The following ADARB2 variants were observed in gnomAD, a reference collection of about 807,000 sequenced individuals.
ADARB2 encodes inactive double-stranded RNA-specific editase B2.
In ADARB2, 25 loss-of-function variants were observed where a neutral mutation model predicts 62.2. The observed-to-expected ratio is 0.40, with a 90% CI of 0.29 to 0.56. The LOEUF is 0.56. ADARB2 is among the 20% of genes least tolerant of loss of function. The probability of loss-of-function intolerance (pLI) is 0.43; values close to 1 mark genes in which losing one functional copy is unlikely to be tolerated. For synonymous variants in ADARB2, 572 were observed against 500.8 expected (o/e 1.14, Z -1.90); for missense variants, 1,071 against 1,077.4 (o/e 0.99, Z 0.08).
chr10:1,576,077 AGGAGGGGGCTCAGGGCCACG>A (rs1833013082), intron 1 of ADARB2, among the ~76,000 whole-genome samples: 1 of 21,554 alleles, frequency 4.6e-5, no homozygotes, highest in African/African-American at 2.3e-4. Context: ...CCAGGGTCAC[AGGAGGGGGCTCAGGGCCACG>A]GGAGGGGGCT....
chr10:1,210,180 T>C (rs541733837), intron 7 of ADARB2, among the ~76,000 whole-genome samples: 1 of 152,350 alleles, frequency 6.6e-6, no homozygotes, highest in South Asian at 2.1e-4. Flanking sequence ...TTCATTGATA[T>C]CAAAGGGAAA....
intron 3 of ADARB2, among the ~76,000 whole-genome samples, chr10:1,271,496 C>T (rs573977434): frequency 7.2e-4 from 109 of 152,348 alleles, no homozygotes; most frequent in Non-Finnish European, 1.2e-3. Context: ...GGGTGCTCTT[C>T]TGGCAAAATG....
chr10:1,617,151 A>G lies in ADARB2; in HGVS notation c.100+119900T>C, dbSNP rs547657390. On this transcript the variant is annotated intron_variant, in intron 1 of 9. Coordinates refer to ENST00000381312, the MANE Select transcript of ADARB2 (RefSeq NM_018702.4). ...TCTGCACTGCCCTGCTGAGCTCTGC[A>G]TCCTGGGAACTGGCCTCAGAGGGCT... is the stretch of plus-strand genomic sequence containing the variant. 1.3e-3 allele frequency among the ~76,000 whole-genome samples: 176 copies of G among 139,030 alleles called. 1 individual carries two copies. Among genetic ancestry groups the G allele is most frequent in the African/African-American group, 4.7e-3 (172 of 36,872 alleles). The allele number at this position is 139,030 out of a possible 152,430, so 91.2% of individuals were successfully genotyped here.
At chr10:1,328,992 G>A in intron 3 of ADARB2, among the ~76,000 whole-genome samples, 1 of 78,956 alleles carries the variant, frequency 1.3e-5, no homozygotes, top group African/African-American at 5.7e-5. Flanking sequence ...ACAAGACCCT[G>A]TCTTAAAAAA....
At chr10:1,327,413 T>G (rs865854374) in intron 3 of ADARB2, among the ~76,000 whole-genome samples, 4 of 53,986 alleles carry the variant, frequency 7.4e-5, no homozygotes, top group African/African-American at 2.2e-4. Context: ...GCCTCCCCAC[T>G]GCCCAGCGCC....
chr10:1,298,223 G>A (rs1021370207), intron 3 of ADARB2, among the ~76,000 whole-genome samples: 1 of 152,086 alleles, frequency 6.6e-6, no homozygotes, highest in African/African-American at 2.4e-5. Context: ...AGATGCTATT[G>A]AAAAAAATAA....
At chr10:1,209,810 A>G (rs1837125214) in intron 7 of ADARB2, among the ~76,000 whole-genome samples, 2 of 152,208 alleles carry the variant, frequency 1.3e-5, no homozygotes, top group African/African-American at 4.8e-5. Flanking sequence ...GACTGTGGCC[A>G]CAGGAGGCCA....
intron 6 of ADARB2, among the ~76,000 whole-genome samples, chr10:1,223,555 G>A (rs1387631740): frequency 1.3e-5 from 2 of 152,098 alleles, no homozygotes; most frequent in Non-Finnish European, 2.9e-5. Flanking sequence ...TATTGGCTGT[G>A]GGTTTGTCAT....
chr10:1,706,936 A>G (rs1564200508), intron 1 of ADARB2, among the ~76,000 whole-genome samples: 3 of 152,160 alleles, frequency 2.0e-5, no homozygotes, highest in African/African-American at 7.2e-5. Context: ...TTGGGCAGGA[A>G]GTGGGATTTT....
At chr10:1,544,249 G>T (rs1832485057) in intron 1 of ADARB2, among the ~76,000 whole-genome samples, 1 of 152,222 alleles carries the variant, frequency 6.6e-6, no homozygotes. Flanking sequence ...CACCAGGGCT[G>T]CTGAGTTTCC....
chr10:1,561,539 G>C (rs1364744070), intron 1 of ADARB2, among the ~76,000 whole-genome samples: 4 of 152,156 alleles, frequency 2.6e-5, no homozygotes, highest in Non-Finnish European at 1.5e-5. Flanking sequence ...CCCCTTCTCT[G>C]TTCACCCAGG....
chr10:1,193,899 T>C (rs1407811221), intron 8 of ADARB2, among the ~76,000 whole-genome samples: 1 of 152,244 alleles, frequency 6.6e-6, no homozygotes, highest in Non-Finnish European at 1.5e-5. Flanking sequence ...ATTTAACCAC[T>C]GAGATGAGAA....
intron 8 of ADARB2, among the ~76,000 whole-genome samples, chr10:1,190,566 G>A (rs1402990783): frequency 6.6e-6 from 1 of 152,194 alleles, no homozygotes; most frequent in Non-Finnish European, 1.5e-5. Context: ...AAGTCTGAAG[G>A]TGTGGGCAGG....
In ADARB2 at chr10:1,723,176, T is replaced by C. The variant is rs187687517; in HGVS notation, c.100+13875A>G. On this transcript the variant is annotated intron_variant, in intron 1 of 9. Coordinates refer to ENST00000381312, the MANE Select transcript of ADARB2 (RefSeq NM_018702.4). ...CCTATGATGTAGCTTTTACGGCCAC[T>C]GCTAACACACTGTTTCTGAGACTTC... Among the ~76,000 whole-genome samples, 748 of 152,338 alleles carry C rather than the reference T, an allele frequency of 4.9e-3. 4 individuals are homozygous for C. Among genetic ancestry groups the C allele is most frequent in the South Asian group, 0.019 (92 of 4,826 alleles).
chr10:1,447,357 G>A (rs1442665012), intron 1 of ADARB2, among the ~76,000 whole-genome samples: 1 of 152,144 alleles, frequency 6.6e-6, no homozygotes, highest in Non-Finnish European at 1.5e-5. Context: ...AAAAGATATT[G>A]TAAGGATCAA....
intron 1 of ADARB2, among the ~76,000 whole-genome samples, chr10:1,583,608 T>A (rs1833135242): frequency 6.6e-6 from 1 of 152,174 alleles, no homozygotes. Context: ...TGAGAGAAAT[T>A]CCATGTTCAT....
intron 1 of ADARB2, among the ~76,000 whole-genome samples, chr10:1,524,864 A>G (rs1832120897): frequency 6.6e-6 from 1 of 152,192 alleles, no homozygotes; most frequent in South Asian, 2.1e-4. Context: ...GCCTAGAACT[A>G]GCAGTCTGGC....
In ADARB2 at chr10:1,255,137, T is replaced by C. The variant is rs1423692897; in HGVS notation, c.1193-12838A>G. Among the ~76,000 whole-genome samples, 3 of 152,240 alleles carry C rather than the reference T, an allele frequency of 2.0e-5. No individual in the cohort carries two copies. Among genetic ancestry groups the C allele is most frequent in the African/African-American group, 7.2e-5 (3 of 41,462 alleles). ...CCAGTGAGGGAGCAAGCGGGGCCAA[T>C]GCTCTGAGCTCCTCATGGGGCCAAA... On this transcript the variant is annotated intron_variant, in intron 4 of 9. Coordinates refer to ENST00000381312, the MANE Select transcript of ADARB2 (RefSeq NM_018702.4). The surrounding 1 kb of genome is among the most constrained non-coding windows in gnomAD (Gnocchi z 4.7).
At chr10:1,708,244 A>G (rs998321385) in intron 1 of ADARB2, among the ~76,000 whole-genome samples, 5 of 152,006 alleles carry the variant, frequency 3.3e-5, no homozygotes, top group East Asian at 1.9e-4. Flanking sequence ...GGAGTTTTCT[A>G]TGTTGCAGGA....
Sources: allele counts gnomAD v4.1 joint callset (sites outside exome capture counted in the v4.1 genomes callset), GRCh38; gene constraint gnomAD v4.1.1; non-coding constraint Gnocchi (gnomAD v3.1); transcripts MANE v1.5; gene names NCBI Gene and HGNC (gene_info 2026-07-23, HGNC 2026-07-21).